ANKRD36: variants seen among roughly 807,000 people sequenced by gnomAD.
ANKRD36 encodes ankyrin repeat domain-containing protein 36A.
In ANKRD36, 179 loss-of-function variants were observed where a neutral mutation model predicts 278.1. The ratio of observed to expected loss-of-function variants is 0.64; its 90% CI spans 0.57 to 0.73. The LOEUF is 0.73. Among genes scored for constraint, ANKRD36 ranks in the 30% least tolerant of loss-of-function variants. The pLI, the probability that ANKRD36 is intolerant of heterozygous loss-of-function variation, is 0.00. For missense variants in ANKRD36, 1,159 were observed against 1,956.7 expected (o/e 0.59, Z 7.69); for synonymous variants, 320 against 641.1 (o/e 0.50, Z 7.57).
At chr2:97,194,146 G>A (rs781317742) in intron 38 of ANKRD36, among the ~76,000 whole-genome samples, 2 of 151,606 alleles carry the variant, frequency 1.3e-5, no homozygotes, top group Non-Finnish European at 2.9e-5. Flanking sequence ...CTACATGGGT[G>A]TGAGGGATAA....
At chr2:97,204,736 G>T (rs1193721861) in intron 50 of ANKRD36, among the ~76,000 whole-genome samples, 1 of 151,672 alleles carries the variant, frequency 6.6e-6, no homozygotes, top group African/African-American at 2.4e-5. Context: ...AGGCAGGAAG[G>T]TGTGAAAAGA....
At chr2:97,151,960 C>G (rs1435341199) in intron 13 of ANKRD36, 21 bp downstream of exon 13, 6 of 1,428,870 alleles carry the variant, frequency 4.2e-6, no homozygotes, top group Non-Finnish European at 4.7e-6. Context: ...TGAAGGCTGC[C>G]TATTGTAGTA....
chr2:97,140,574 A>G (rs940976202), intron 6 of ANKRD36, among the ~76,000 whole-genome samples: 11 of 152,016 alleles, frequency 7.2e-5, no homozygotes, highest in African/African-American at 2.4e-4. Context: ...TACTCAAACC[A>G]ATGTGAGTGA....
intron 75 of ANKRD36, among the ~76,000 whole-genome samples, chr2:97,260,413 TACACACACACAAAC>T (rs2076611180): frequency 7.7e-6 from 1 of 130,694 alleles, no homozygotes; most frequent in African/African-American, 3.0e-5. Context: ...CATACACATA[TACACACACACAAAC>T]ACACACACAC....
At chr2:97,152,844 C>T (rs2153471452) in intron 14 of ANKRD36, among the ~76,000 whole-genome samples, 1 of 147,490 alleles carries the variant, frequency 6.8e-6, no homozygotes, top group Admixed American at 6.7e-5. Context: ...TGGATAGAGG[C>T]CTATGCAGCA....
chr2:97,152,748 A>G (rs1179972078), intron 14 of ANKRD36, among the ~76,000 whole-genome samples: 2 of 147,298 alleles, frequency 1.4e-5, no homozygotes, highest in African/African-American at 4.8e-5. Context: ...TTGGCTCATG[A>G]TTCCACAGTT....
At position 97,153,655 on chromosome 2, in the gene ANKRD36, T is replaced by G. The variant is rs529471529; in HGVS notation, c.1194-1020T>G. On this transcript the variant is annotated intron_variant, in intron 14 of 75. Transcript: ENST00000420699. ...ACATCATTCTGTCATTGAGTGATTT[T>G]AGTTTTAGAAAGCAGGAGTGGCTCT... Among the ~76,000 whole-genome samples the G allele has an allele frequency of 3.1e-4, 45 of 146,810 alleles. 1 individual carries two copies. Among genetic ancestry groups the G allele is most frequent in the African/African-American group, 1.1e-3 (45 of 41,362 alleles).
intron 15 of ANKRD36, among the ~76,000 whole-genome samples, chr2:97,156,277 A>C (rs1235048545): frequency 6.9e-6 from 1 of 145,252 alleles, no homozygotes; most frequent in Non-Finnish European, 1.6e-5. Context: ...TGTGCAGGTT[A>C]GTTACATATG....
Position 97,192,787 on chromosome 2 carries a change from C to T in ANKRD36, c.2348-71C>T, listed in dbSNP as rs973856908. ...GCAGGAGAACAGAGGTTGATACAAA[C>T]ACTTCATGAATGTATGGATAACTTT... On this transcript the variant is annotated intron_variant, in intron 36 of 75. Transcript: ENST00000420699. 9.1e-6 allele frequency: 14 copies of T among 1,530,148 alleles called. No homozygotes were observed. The African/African-American group carries it at 1.5e-4, about 16-fold the overall frequency. The allele number at this position is 1,530,148 out of a possible 1,614,324, so 94.8% of individuals were successfully genotyped here. A position where few individuals can be genotyped will look rare whatever the true frequency, so the allele number is the denominator to read the frequency against.
chr2:97,241,731 CATT>C (rs1335699759), intron 69 of ANKRD36, among the ~76,000 whole-genome samples: 1 of 6,858 alleles, frequency 1.5e-4, no homozygotes. Flanking sequence ...TTGGAAATCT[CATT>C]ATTTAATTGA....
intron 17 of ANKRD36, among the ~76,000 whole-genome samples, chr2:97,161,857 G>A (rs2048969504): frequency 6.6e-6 from 1 of 152,230 alleles, no homozygotes; most frequent in Non-Finnish European, 1.5e-5. Context: ...TATTGCCTTT[G>A]TGCTGTCACT....
intron 6 of ANKRD36, among the ~76,000 whole-genome samples, chr2:97,128,908 T>G (rs1256898858): frequency 6.6e-6 from 1 of 152,024 alleles, no homozygotes; most frequent in Admixed American, 6.6e-5. Context: ...GAGTTTCAAG[T>G]TTCAATCAGA....
chr2:97,201,094 A>G (rs1445218797), intron 46 of ANKRD36, among the ~76,000 whole-genome samples: 5 of 151,900 alleles, frequency 3.3e-5, no homozygotes, highest in Admixed American at 3.3e-4. Flanking sequence ...TTGCATAAAC[A>G]ATATTTGACT....
At position 97,224,459 on chromosome 2, in the gene ANKRD36, T is replaced by TG. The variant is rs1244443667; in HGVS notation, c.3878-347_3878-346insG. Among the ~76,000 whole-genome samples the TG allele has an allele frequency of 3.3e-5, 5 of 151,644 alleles. No homozygotes were observed. The East Asian group carries it at 8.0e-4, about 24-fold the overall frequency. On this transcript the variant is annotated intron_variant, in intron 66 of 75. Coordinates refer to ENST00000420699, the MANE Select transcript of ANKRD36 (RefSeq NM_001354587.1). ...TTGTTTTTTTGTTTTTTTGTTTTTT[T>TG]TTTTTTGAGACACAGTCTCGCTCTG...
chr2:97,194,571 C>G (rs533699451), intron 38 of ANKRD36, among the ~76,000 whole-genome samples, 155 bp from the exon 39 acceptor site: 35 of 151,636 alleles, frequency 2.3e-4, no homozygotes, highest in African/African-American at 8.4e-4. Context: ...CAGGGTATTT[C>G]TGACATGTTC....
At chr2:97,142,547 G>A in intron 6 of ANKRD36, 93 bp from the exon 7 acceptor site, 1 of 1,588,102 alleles carries the variant, frequency 6.3e-7, no homozygotes, top group Non-Finnish European at 8.6e-7. Flanking sequence ...AATAGGGGCA[G>A]GAGGATACAG....
chr2:97,170,154 G>A (rs2051998997), intron 22 of ANKRD36, among the ~76,000 whole-genome samples: 1 of 151,560 alleles, frequency 6.6e-6, no homozygotes, highest in Admixed American at 6.6e-5. Flanking sequence ...TGACAAACCT[G>A]ACAAAAAGCA....
intron 36 of ANKRD36, 65 bp downstream of exon 36, chr2:97,191,246 A>G (rs2058453975): frequency 1.4e-6 from 2 of 1,469,168 alleles, no homozygotes; most frequent in Non-Finnish European, 1.8e-6. Flanking sequence ...CTCTTTCCTG[A>G]ATGAATTGGC....
At chr2:97,229,205 T>C (rs1192022323) in intron 67 of ANKRD36, among the ~76,000 whole-genome samples, 2 of 151,652 alleles carry the variant, frequency 1.3e-5, no homozygotes, top group Non-Finnish European at 2.9e-5. Context: ...TAACTTTCTG[T>C]CTCATTGATC....
Sources: allele counts gnomAD v4.1 joint callset (sites outside exome capture counted in the v4.1 genomes callset), GRCh38; gene constraint gnomAD v4.1.1; transcripts MANE v1.5; gene names NCBI Gene and HGNC (gene_info 2026-07-23, HGNC 2026-07-21).